The following FYB1 variants were observed in gnomAD, a reference collection of about 807,000 sequenced individuals.
The protein encoded by FYB1 is FYN-binding protein 1.
Under a neutral mutation model 94.1 loss-of-function variants are expected in FYB1, and 41 were observed. That is an observed-to-expected ratio of 0.44 (90% CI 0.34 to 0.57). The LOEUF is 0.57. Ranked by LOEUF, FYB1 falls within the 20% of genes least tolerant of loss-of-function variation. The pLI, the probability that FYB1 is intolerant of heterozygous loss-of-function variation, is 0.02. For missense variants in FYB1, 1,050 were observed against 976.8 expected, an observed-to-expected ratio of 1.07 and a Z score of -1.00; for synonymous variants, 367 against 353.2, an observed-to-expected ratio of 1.04 and a Z score of -0.44.
intron 2 of FYB1, among the ~76,000 whole-genome samples, chr5:39,159,717 T>C (rs1744078408): frequency 6.6e-6 from 1 of 152,216 alleles, no homozygotes; most frequent in South Asian, 2.1e-4. Flanking sequence ...TCTGGAAAGA[T>C]GGCATTCCTC....
At chr5:39,110,209 C>G (rs573378756) in intron 17 of FYB1, 147 bp downstream of exon 17, 1 of 480,932 alleles carries the variant, frequency 2.1e-6, no homozygotes, top group Non-Finnish European at 3.7e-6. Context: ...TGGATACTAA[C>G]ATGTTAACGT....
At chr5:39,230,844 T>C (rs976827099) in intron 1 of FYB1, among the ~76,000 whole-genome samples, 19 of 143,642 alleles carry the variant, frequency 1.3e-4, no homozygotes, top group South Asian at 6.7e-4. Context: ...TGTCTCAGTA[T>C]ACACACACAC....
chr5:39,127,483 C>T (rs949640683), intron 11 of FYB1, among the ~76,000 whole-genome samples: 1 of 149,506 alleles, frequency 6.7e-6, no homozygotes, highest in African/African-American at 2.5e-5. Context: ...ATACACAACA[C>T]CTGTAATTTA....
chr5:39,108,931 T>C (rs1191189657), intron 17 of FYB1, among the ~76,000 whole-genome samples: 1 of 152,094 alleles, frequency 6.6e-6, no homozygotes, highest in Non-Finnish European at 1.5e-5. Flanking sequence ...CTGAATCCCT[T>C]CTATGTACCA....
chr5:39,224,176 AGGTGATCTGGTTCT>A (rs1750379229), upstream of FYB1, among the ~76,000 whole-genome samples: 1 of 152,246 alleles, frequency 6.6e-6, no homozygotes, highest in South Asian at 2.1e-4. Context: ...TTTCAAGGAA[AGGTGATCTGGTTCT>A]GGTGGCCAAG....
intron 2 of FYB1, among the ~76,000 whole-genome samples, chr5:39,162,218 A>G (rs1580426744): frequency 6.6e-6 from 1 of 152,324 alleles, no homozygotes; most frequent in East Asian, 1.9e-4. Context: ...ATTGCTAGGT[A>G]ACTCCATATT....
chr5:39,203,160 T>A (rs1748533529), intron 1 of FYB1, 173 bp from the exon 2 acceptor site: 1 of 611,648 alleles, frequency 1.6e-6, no homozygotes, highest in Non-Finnish European at 2.8e-6. Flanking sequence ...GAGAGTTTCT[T>A]GAAAGAGGAA....
At chr5:39,266,021 CA>C (rs201342493) in intron 1 of FYB1, among the ~76,000 whole-genome samples, 77 of 143,182 alleles carry the variant, frequency 5.4e-4, no homozygotes, top group African/African-American at 1.8e-3. Context: ...GCATAAAATA[CA>C]AAAAAAAATT....
intron 1 of FYB1, among the ~76,000 whole-genome samples, chr5:39,231,172 C>CAA (rs1305384381): frequency 9.0e-6 from 1 of 110,678 alleles, no homozygotes; most frequent in Admixed American, 8.3e-5. Flanking sequence ...CAAAAAAAAA[C>CAA]AAAAAAAACA....
chr5:39,176,153 T>G (rs1245594544), intron 2 of FYB1, among the ~76,000 whole-genome samples: 2 of 112,746 alleles, frequency 1.8e-5, no homozygotes, highest in Non-Finnish European at 3.4e-5. Context: ...TTTTTTTTTT[T>G]TTTTTTTTTT....
At chr5:39,260,427 C>T (rs1357185958) in intron 1 of FYB1, among the ~76,000 whole-genome samples, 1 of 152,122 alleles carries the variant, frequency 6.6e-6, no homozygotes, top group Non-Finnish European at 1.5e-5. Context: ...CTACTGGTCT[C>T]TTTAGATAAA....
intron 3 of FYB1, among the ~76,000 whole-genome samples, chr5:39,147,691 C>T (rs1273158410): frequency 6.7e-6 from 1 of 149,054 alleles, no homozygotes; most frequent in South Asian, 2.1e-4. Context: ...ATAAAGTCCA[C>T]CTTGTCTTTT....
At chr5:39,161,480 T>C (rs1744241518) in intron 2 of FYB1, among the ~76,000 whole-genome samples, 2 of 152,172 alleles carry the variant, frequency 1.3e-5, no homozygotes, top group African/African-American at 4.8e-5. Context: ...ATATATTCTA[T>C]GTATTTTTTT....
chr5:39,186,132 T>G (rs956165931), intron 2 of FYB1, among the ~76,000 whole-genome samples: 8 of 151,910 alleles, frequency 5.3e-5, no homozygotes, highest in Non-Finnish European at 7.4e-5. Flanking sequence ...CACTAAAACA[T>G]GAACACAAAA....
At chr5:39,130,751 G>GA in intron 9 of FYB1, 139 bp from the exon 10 acceptor site, 1 of 642,424 alleles carries the variant, frequency 1.6e-6, no homozygotes, top group East Asian at 2.8e-5. Context: ...ATGTAAAGAG[G>GA]AAAAAATGTT....
intron 2 of FYB1, among the ~76,000 whole-genome samples, chr5:39,186,064 C>T (rs775008679): frequency 2.0e-5 from 3 of 152,120 alleles, no homozygotes; most frequent in Non-Finnish European, 4.4e-5. Flanking sequence ...AACCCCACCC[C>T]TCTCTTCCCT....
chr5:39,185,665 G>A (rs1373635730), intron 2 of FYB1, among the ~76,000 whole-genome samples: 1 of 142,384 alleles, frequency 7.0e-6, no homozygotes, highest in East Asian at 2.0e-4. Flanking sequence ...TAATCACACT[G>A]GAAGTAAGAA....
At chr5:39,252,616 A>C (rs187445419) in intron 1 of FYB1, among the ~76,000 whole-genome samples, 120 of 152,362 alleles carry the variant, frequency 7.9e-4, no homozygotes, top group African/African-American at 2.7e-3. Context: ...GTACCAACCT[A>C]GTAACACACA....
intron 1 of FYB1, among the ~76,000 whole-genome samples, chr5:39,211,322 CTTTTT>C (rs70982549): frequency 3.4e-5 from 4 of 118,504 alleles, no homozygotes; most frequent in Non-Finnish European, 1.8e-5. Context: ...CTTTTCTTTT[CTTTTT>C]TTTTTTTTTT....
Sources: allele counts gnomAD v4.1 joint callset (sites outside exome capture counted in the v4.1 genomes callset), GRCh38; gene constraint gnomAD v4.1.1; transcripts MANE v1.5; gene names NCBI Gene and HGNC (gene_info 2026-07-23, HGNC 2026-07-21).